TMEM150C: variants seen among roughly 807,000 people sequenced by gnomAD.
The protein encoded by TMEM150C is transmembrane protein 150C, also known as tentonin 3.
Under a neutral mutation model 29.9 loss-of-function variants are expected in TMEM150C, and 10 were observed. The observed-to-expected ratio is 0.33, with a 90% CI of 0.21 to 0.57. The LOEUF (loss-of-function observed/expected upper bound fraction) is 0.57, where lower values mean the gene tolerates loss of function less well. Among genes scored for constraint, TMEM150C ranks in the 20% least tolerant of loss-of-function variants. TMEM150C has a pLI of 0.88. For missense variants in TMEM150C, 251 were observed against 303.6 expected, an observed-to-expected ratio of 0.83 and a Z score of 1.29; for synonymous variants, 101 against 112.5, an observed-to-expected ratio of 0.90 and a Z score of 0.64.
chr4:82,491,024 G>T (rs1395659485), intron 6 of TMEM150C: 4 of 736,632 alleles, frequency 5.4e-6, no homozygotes, highest in African/African-American at 5.1e-5. Flanking sequence ...AGACAACAGT[G>T]GTGCAGGTCT....
intron 1 of TMEM150C, among the ~76,000 whole-genome samples, chr4:82,541,496 ATGTC>A (rs1345734949): frequency 2.0e-5 from 3 of 152,230 alleles, no homozygotes; most frequent in Non-Finnish European, 4.4e-5. Context: ...TGGATGTACT[ATGTC>A]TGTACTCTAG....
intron 1 of TMEM150C, among the ~76,000 whole-genome samples, chr4:82,560,780 T>C (rs1454204114): frequency 6.6e-6 from 1 of 152,208 alleles, no homozygotes; most frequent in East Asian, 1.9e-4. Context: ...AAAATGTCTT[T>C]GGTTCAAGCA....
chr4:82,546,698 G>A (rs1725397594), intron 1 of TMEM150C, among the ~76,000 whole-genome samples: 3 of 151,976 alleles, frequency 2.0e-5, no homozygotes, highest in East Asian at 1.9e-4. Flanking sequence ...CATGGTAGTG[G>A]GTGCCTGTAG....
At chr4:82,492,966 T>C (rs911038789) in intron 6 of TMEM150C, among the ~76,000 whole-genome samples, 1 of 148,838 alleles carries the variant, frequency 6.7e-6, no homozygotes, top group Non-Finnish European at 1.5e-5. Context: ...AAGTTCACTA[T>C]GTATTTACAT....
At chr4:82,541,743 A>G (rs1372305311) in intron 1 of TMEM150C, among the ~76,000 whole-genome samples, 11 of 152,192 alleles carry the variant, frequency 7.2e-5, no homozygotes, top group African/African-American at 2.7e-4. Flanking sequence ...TCTTAATTCA[A>G]TAGTCTATCC....
intron 4 of TMEM150C, 41 bp from the exon 5 acceptor site, chr4:82,502,835 T>C (rs781697912): frequency 1.9e-6 from 3 of 1,587,742 alleles, no homozygotes; most frequent in Non-Finnish European, 2.6e-6. Context: ...TATATCAAAA[T>C]CTATAATCCT....
chr4:82,519,813 T>TA (rs1330083033), intron 1 of TMEM150C, among the ~76,000 whole-genome samples: 8 of 152,088 alleles, frequency 5.3e-5, no homozygotes, highest in Non-Finnish European at 8.8e-5. Context: ...AATAATAAAA[T>TA]AAAAAAATAG....
intron 1 of TMEM150C, among the ~76,000 whole-genome samples, chr4:82,510,918 T>G (rs1724102347): frequency 6.6e-6 from 1 of 152,206 alleles, no homozygotes; most frequent in Non-Finnish European, 1.5e-5. Context: ...TGTGAAGGGC[T>G]TTTATTATCT....
intron 1 of TMEM150C, among the ~76,000 whole-genome samples, chr4:82,527,376 T>C (rs1170135996): frequency 6.6e-6 from 1 of 152,192 alleles, no homozygotes; most frequent in Non-Finnish European, 1.5e-5. Context: ...TACTTGTTTT[T>C]CTGTGGCTCC....
intron 7 of TMEM150C, 147 bp downstream of exon 7, chr4:82,489,914 G>C: frequency 1.4e-6 from 1 of 711,338 alleles, no homozygotes; most frequent in East Asian, 2.8e-5. Flanking sequence ...ATTGGTCTGA[G>C]GGTTTTTGTT....
chr4:82,514,957 T>C (rs1724245744), intron 1 of TMEM150C, among the ~76,000 whole-genome samples: 1 of 152,204 alleles, frequency 6.6e-6, no homozygotes, highest in Non-Finnish European at 1.5e-5. Context: ...CAGCTGAACC[T>C]TTCACTCTAG....
intron 1 of TMEM150C, among the ~76,000 whole-genome samples, chr4:82,512,901 T>C (rs973355563): frequency 9.2e-5 from 14 of 152,220 alleles, no homozygotes; most frequent in Admixed American, 7.9e-4. Flanking sequence ...AAGTGGCCTC[T>C]GGGCAGGGCA....
chr4:82,524,280 T>C (rs1724584886), intron 1 of TMEM150C, among the ~76,000 whole-genome samples: 1 of 151,992 alleles, frequency 6.6e-6, no homozygotes, highest in Admixed American at 6.6e-5. Flanking sequence ...AATTCAAAAT[T>C]AGGTTACAGA....
Position 82,495,811 on chromosome 4 carries a change from T to C in TMEM150C, c.363+257A>G, listed in dbSNP as rs559166895. On this transcript the variant is annotated intron_variant, in intron 6 of 7. Transcript: ENST00000449862. Reference sequence around the variant, plus strand: ...AATTTCTGTGGCCATATGCTTCTCATAAAAAGTACGAAGTTTGCGTTCATC... The same window carrying C: ...AATTTCTGTGGCCATATGCTTCTCACAAAAAGTACGAAGTTTGCGTTCATC... The C allele has an allele frequency of 6.0e-4, 277 of 458,476 alleles. 2 individuals are homozygous for C. The highest frequency in any genetic ancestry group is 4.5e-3 in the African/African-American group (227 of 50,666). 28.4% of individuals were successfully genotyped at this position (458,476 alleles called of 1,614,324 possible). A position where few individuals can be genotyped will look rare whatever the true frequency, so the allele number is the denominator to read the frequency against.
chr4:82,489,940 C>T, intron 7 of TMEM150C, 121 bp downstream of exon 7: 1 of 997,302 alleles, frequency 1.0e-6, no homozygotes, highest in South Asian at 1.8e-5. Context: ...ACCTGTTTAC[C>T]TTTGCCTTAA....
intron 1 of TMEM150C, among the ~76,000 whole-genome samples, chr4:82,514,543 CTA>C (rs938886985): frequency 6.6e-6 from 1 of 151,954 alleles, no homozygotes; most frequent in African/African-American, 2.4e-5. Flanking sequence ...CAAGTGTGTT[CTA>C]TGTGTAGAAA....
rs1723059410 is a variant in TMEM150C, at chr4:82,483,483, T to A, written c.*2028A>T. On this transcript the variant is annotated 3_prime_UTR_variant, in exon 8 of 8. Transcript: ENST00000449862. ...CAGGAGAATCTTGTTCTCAGCTTGT[T>A]CTTTTCCTCACATTTTACTTACAGG... 6.6e-6 allele frequency: 1 copy of A among 152,228 alleles called. No individual in the cohort carries two copies. The highest frequency in any genetic ancestry group is 2.1e-4 in the South Asian group (1 of 4,826). The allele number at this position is 152,228 out of a possible 1,614,324, so 9.4% of individuals were successfully genotyped here.
Position 82,543,033 on chromosome 4 carries a change from T to C in TMEM150C, c.-11+18873A>G, listed in dbSNP as rs1414498657. Among the ~76,000 whole-genome samples the C allele has an allele frequency of 2.0e-5, 3 of 152,234 alleles. No individual in the cohort carries two copies. The East Asian group carries it at 5.8e-4, about 29-fold the overall frequency. On this transcript the variant is annotated intron_variant, in intron 1 of 7. Coordinates refer to ENST00000449862, the MANE Select transcript of TMEM150C (RefSeq NM_001080506.3). ...CTTACTATGTGCCTGGCACAACTAA[T>C]ACAACAACCCTAGGAGGTAGGTACT...
At chr4:82,534,738 G>A (rs2110084549) in intron 1 of TMEM150C, among the ~76,000 whole-genome samples, 1 of 152,234 alleles carries the variant, frequency 6.6e-6, no homozygotes, top group South Asian at 2.1e-4. Flanking sequence ...TGCTCCCCAA[G>A]TGATTGTAAT....
Sources: allele counts gnomAD v4.1 joint callset (sites outside exome capture counted in the v4.1 genomes callset), GRCh38; gene constraint gnomAD v4.1.1; transcripts MANE v1.5; gene names NCBI Gene and HGNC (gene_info 2026-07-23, HGNC 2026-07-21).